Variants in PDCD10 observed in about 807,000 individuals in gnomAD.
PDCD10 encodes the protein programmed cell death protein 10.
In PDCD10, 4 loss-of-function variants were observed where a neutral mutation model predicts 29.2. That is an observed-to-expected ratio of 0.14 (90% confidence interval 0.07 to 0.31). The LOEUF is 0.31. Among genes scored for constraint, PDCD10 ranks in the 10% least tolerant of loss-of-function variants. The pLI, the probability that PDCD10 is intolerant of heterozygous loss-of-function variation, is 1.00. For missense variants in PDCD10, 183 were observed against 257.9 expected (o/e 0.71, Z 1.99); for synonymous variants, 70 against 82.2 (o/e 0.85, Z 0.80).
intron 8 of PDCD10, among the ~76,000 whole-genome samples, chr3:167,686,681 G>A (rs1284873411): frequency 6.6e-6 from 1 of 152,148 alleles, no homozygotes; most frequent in African/African-American, 2.4e-5. Flanking sequence ...CTAGAAGTGG[G>A]ACCCTCGAGC....
chr3:167,694,410 C>G (rs983912084), intron 6 of PDCD10: 1 of 165,420 alleles, frequency 6.0e-6, no homozygotes, highest in East Asian at 1.8e-4. Context: ...TTTAGTTTTT[C>G]TGTTTTCTGC....
At chr3:167,720,398 C>T in intron 2 of PDCD10, 125 bp from the exon 3 acceptor site, 1 of 450,634 alleles carries the variant, frequency 2.2e-6, no homozygotes, top group Non-Finnish European at 4.1e-6. Context: ...ATATATTCTA[C>T]TTGTGAAAGC....
At position 167,720,513 on chromosome 3, in the gene PDCD10, G is replaced by A. The variant is rs984159250; in HGVS notation, c.-116-240C>T. On this transcript the variant is annotated intron_variant, in intron 2 of 8. Transcript: ENST00000392750. ...ACTTCACAAAGCAGTGACTTAAGACGCTGCTTAACCTGAACTCAGAGAGCT... is the reference window on the plus strand; with the variant it reads ...ACTTCACAAAGCAGTGACTTAAGACACTGCTTAACCTGAACTCAGAGAGCT... 5.3e-5 allele frequency among the ~76,000 whole-genome samples: 8 copies of A among 151,954 alleles called. No individual in the cohort carries two copies. The South Asian group carries it at 8.3e-4, about 16-fold the overall frequency.
intron 3 of PDCD10, among the ~76,000 whole-genome samples, chr3:167,713,816 T>C (rs1463155832): frequency 6.6e-6 from 1 of 151,850 alleles, no homozygotes; most frequent in Non-Finnish European, 1.5e-5. Flanking sequence ...AATGGATAAA[T>C]TCCCAGACAT....
chr3:167,690,470 G>C (rs941933254), intron 6 of PDCD10, among the ~76,000 whole-genome samples: 1 of 152,160 alleles, frequency 6.6e-6, no homozygotes, highest in Admixed American at 6.5e-5. Flanking sequence ...ATATGCAAAT[G>C]CAGATTACAA....
At chr3:167,729,694 T>C (rs1375118637) in intron 2 of PDCD10, among the ~76,000 whole-genome samples, 1 of 152,218 alleles carries the variant, frequency 6.6e-6, no homozygotes, top group Non-Finnish European at 1.5e-5. Flanking sequence ...CTAGCTATTA[T>C]ATTAGGTTCC....
At chr3:167,701,347 T>C (rs1053101539) in intron 4 of PDCD10, among the ~76,000 whole-genome samples, 2 of 152,176 alleles carry the variant, frequency 1.3e-5, no homozygotes, top group Non-Finnish European at 2.9e-5. Context: ...TACATATACA[T>C]ACACACACAT....
At chr3:167,688,186 A>T (rs1719835603) in intron 6 of PDCD10, among the ~76,000 whole-genome samples, 1 of 152,144 alleles carries the variant, frequency 6.6e-6, no homozygotes, top group Non-Finnish European at 1.5e-5. Context: ...GATACCTATT[A>T]GTTTTGATGT....
At chr3:167,712,525 A>G (rs922337314) in intron 3 of PDCD10, among the ~76,000 whole-genome samples, 9 of 152,026 alleles carry the variant, frequency 5.9e-5, no homozygotes, top group Non-Finnish European at 4.4e-5. Context: ...CACCTTTGCT[A>G]AAAGGAAGAC....
rs560288291 is a variant in PDCD10 at position 167,684,095 on chromosome 3, A to C, written c.*213T>G. 1 of 463,446 alleles carries C rather than the reference A, an allele frequency of 2.2e-6. No homozygotes were observed. The highest frequency in any genetic ancestry group is 3.5e-5 in the Admixed American group (1 of 28,346). 28.7% of individuals were successfully genotyped at this position (463,446 alleles called of 1,614,324 possible). On this transcript the variant is annotated 3_prime_UTR_variant, in exon 9 of 9. Coordinates refer to ENST00000392750, the MANE Select transcript of PDCD10 (RefSeq NM_007217.4). ...GGCTTATAATTCTTAAAAGAATGAT[A>C]ATAGCAAAAGTGATGCAAAATCTTC...
intron 2 of PDCD10, among the ~76,000 whole-genome samples, chr3:167,730,221 T>C (rs1454900094): frequency 1.3e-5 from 2 of 152,154 alleles, no homozygotes; most frequent in Non-Finnish European, 2.9e-5. Context: ...TGTGTGTGTG[T>C]GTGTGTCCCT....
chr3:167,691,616 G>A (rs1008657971), intron 6 of PDCD10, among the ~76,000 whole-genome samples: 1 of 152,224 alleles, frequency 6.6e-6, no homozygotes, highest in African/African-American at 2.4e-5. Context: ...CAAAGTGACA[G>A]GATGAGAGCT....
chr3:167,692,801 C>T (rs1473543665), intron 6 of PDCD10, among the ~76,000 whole-genome samples: 1 of 152,214 alleles, frequency 6.6e-6, no homozygotes, highest in African/African-American at 2.4e-5. Flanking sequence ...GCCTGTAGTC[C>T]CAGCTACGCT....
At chr3:167,709,224 T>C (rs1471980039) in intron 3 of PDCD10, among the ~76,000 whole-genome samples, 1 of 151,636 alleles carries the variant, frequency 6.6e-6, no homozygotes, top group Non-Finnish European at 1.5e-5. Flanking sequence ...TCTGCAGGAA[T>C]ACCAATTTTA....
rs530976513 is a variant in PDCD10 at position 167,716,532 on chromosome 3, T to TA, written c.96+3529dup. Among the ~76,000 whole-genome samples the TA allele has an allele frequency of 2.3e-3, 345 of 151,858 alleles. 2 individuals are homozygous for TA. The highest frequency in any genetic ancestry group is 7.8e-3 in the African/African-American group (322 of 41,496). On this transcript the variant is annotated intron_variant, in intron 3 of 8. Transcript: ENST00000392750. ...GTATCTCACGTACTCCATAAATACA[T>TA]ACACCTACTATGTGCCCACAAAAAT...
At chr3:167,706,951 C>T (rs1034479568) in intron 3 of PDCD10, among the ~76,000 whole-genome samples, 1 of 152,200 alleles carries the variant, frequency 6.6e-6, no homozygotes, top group South Asian at 2.1e-4. Context: ...ATCCTGTATA[C>T]AAGCCACTAA....
intron 3 of PDCD10, among the ~76,000 whole-genome samples, chr3:167,715,540 ACAACT>A (rs1722920716): frequency 6.6e-6 from 1 of 151,892 alleles, no homozygotes; most frequent in African/African-American, 2.4e-5. Context: ...CCATCTATAA[ACAACT>A]CAAACAACTG....
chr3:167,684,647 T>G (rs558304917), intron 8 of PDCD10, among the ~76,000 whole-genome samples: 41 of 152,244 alleles, frequency 2.7e-4, no homozygotes, highest in African/African-American at 8.2e-4. Flanking sequence ...AACAACCCAG[T>G]TCATTTATAG....
intron 2 of PDCD10, among the ~76,000 whole-genome samples, chr3:167,731,938 C>T (rs1407905026): frequency 1.3e-5 from 2 of 151,814 alleles, no homozygotes; most frequent in African/African-American, 2.4e-5. Context: ...AGGAGTGAGA[C>T]GGAATATGTA....
Sources: allele counts gnomAD v4.1 joint callset (sites outside exome capture counted in the v4.1 genomes callset), GRCh38; gene constraint gnomAD v4.1.1; transcripts MANE v1.5; gene names NCBI Gene and HGNC (gene_info 2026-07-23, HGNC 2026-07-21).